Variants in CCDC180 observed in about 807,000 individuals in gnomAD.
The protein encoded by CCDC180 is coiled-coil domain-containing protein 180.
CCDC180 carries 154 observed loss-of-function variants against 209.2 expected under a neutral mutation model. The ratio of observed to expected loss-of-function variants is 0.74; its 90% CI spans 0.65 to 0.84. CCDC180 has a LOEUF of 0.84. Among genes scored for constraint, CCDC180 ranks in the 40% least tolerant of loss-of-function variants. The probability of loss-of-function intolerance (pLI) is 0.00; values close to 1 mark genes in which losing one functional copy is unlikely to be tolerated. For missense variants in CCDC180, 1,874 were observed against 1,997.3 expected, an observed-to-expected ratio of 0.94 and a Z score of 1.18; for synonymous variants, 778 against 749.1, an observed-to-expected ratio of 1.04 and a Z score of -0.63.
intron 8 of CCDC180, 96 bp from the exon 9 acceptor site, chr9:97,316,969 C>T (rs1448410317): frequency 1.6e-6 from 2 of 1,253,440 alleles, no homozygotes; most frequent in South Asian, 1.6e-5. Flanking sequence ...CTGCACCTCC[C>T]CTCTCCAGCC....
intron 13 of CCDC180, 40 bp downstream of exon 13, chr9:97,323,943 G>T (rs1461763980): frequency 6.5e-7 from 1 of 1,547,102 alleles, no homozygotes; most frequent in Admixed American, 2.0e-5. Flanking sequence ...GCTGAGGTGG[G>T]GTTGGGGGTC....
rs1305534890 is a variant in CCDC180 at position 97,343,400 on chromosome 9, A to G, written c.2335A>G (p.Ile779Val). 6.2e-7 allele frequency: 1 copy of G among 1,613,806 alleles called. No individual in the cohort carries two copies. The highest frequency in any genetic ancestry group is 8.5e-7 in the Non-Finnish European group (1 of 1,179,822). ...CTATGAGGACATGGAGTCCTTCACA[A>G]TCTCCAGTGGAAACACTTATTTTGT... is the stretch of plus-strand genomic sequence containing the variant. Reference protein sequence around the residue: ...IYYEDMESFTISSGNTYFVFV... With the variant: ...IYYEDMESFTVSSGNTYFVFV... The change falls in exon 19 of 37, where the codon ATC (isoleucine) becomes GTC (valine). Residue 779 changes from isoleucine to valine, a missense_variant. By Grantham distance (29) the Ile-to-Val change is conservative. Transcript: ENST00000529487.
At chr9:97,372,427 C>T (rs1344387324) in intron 34 of CCDC180, 5 of 152,216 alleles carry the variant, frequency 3.3e-5, no homozygotes, top group South Asian at 4.1e-4. Flanking sequence ...AGTGTGTAGA[C>T]GTTTGGCCTA....
Position 97,371,706 on chromosome 9 carries a change from A to G in CCDC180, c.4600A>G (p.Arg1534Gly), listed in dbSNP as rs772363374. The change falls in exon 34 of 37, where the codon AGG becomes GGG. Residue 1534 changes from arginine (R) to glycine (G), a missense_variant and splice_region_variant. Coordinates refer to ENST00000529487, the MANE Select transcript of CCDC180 (RefSeq NM_020893.6). ...VVTIDDVQVARMEPPKQKLSM... is the reference protein window; with the variant it reads ...VVTIDDVQVAGMEPPKQKLSM... ...CACCATTGACGATGTCCAGGTTGCA[A>G]GTAAGAGGCACCACCAGCCTTGTGT... is the stretch of plus-strand genomic sequence containing the variant. 6.3e-7 allele frequency: 1 copy of G among 1,581,716 alleles called. No homozygotes were observed. Among genetic ancestry groups the G allele is most frequent in the Non-Finnish European group, 8.7e-7 (1 of 1,153,936 alleles).
intron 2 of CCDC180, among the ~76,000 whole-genome samples, chr9:97,308,720 C>T (rs985360714): frequency 6.6e-6 from 1 of 152,192 alleles, no homozygotes; most frequent in Non-Finnish European, 1.5e-5. Flanking sequence ...AAGTTCTGTA[C>T]TGCTTATTTA....
Position 97,370,924 on chromosome 9 carries a change from C to T in CCDC180, c.4488+146C>T. 5.6e-6 allele frequency: 3 copies of T among 534,258 alleles called. 1 individual carries two copies. Among genetic ancestry groups the T allele is most frequent in the Middle Eastern group, 1.1e-3 (2 of 1,830 alleles). The allele number at this position is 534,258 out of a possible 1,614,324, so 33.1% of individuals were successfully genotyped here. ...GTTGGGTTTTGTAGGTAAAAATGGCCATTATTGGCTGTTTTAACTTGTATA... is the reference window on the plus strand; with the variant it reads ...GTTGGGTTTTGTAGGTAAAAATGGCTATTATTGGCTGTTTTAACTTGTATA... On this transcript the variant is annotated intron_variant, in intron 33 of 36. Coordinates refer to ENST00000529487, the MANE Select transcript of CCDC180 (RefSeq NM_020893.6).
At chr9:97,367,089 C>T (rs961151742) in intron 31 of CCDC180, among the ~76,000 whole-genome samples, 3 of 152,104 alleles carry the variant, frequency 2.0e-5, no homozygotes, top group Non-Finnish European at 2.9e-5. Context: ...AAACCCCATC[C>T]CCTAACCCCT....
intron 27 of CCDC180, 146 bp downstream of exon 27, chr9:97,362,044 C>CA: frequency 7.3e-7 from 1 of 1,366,206 alleles, no homozygotes; most frequent in Non-Finnish European, 1.0e-6. Context: ...AGGGCTTCCC[C>CA]ACCCAGAGCC....
intron 18 of CCDC180, 71 bp downstream of exon 18, chr9:97,330,838 T>C: frequency 1.4e-6 from 2 of 1,428,476 alleles, no homozygotes; most frequent in Non-Finnish European, 1.9e-6. Flanking sequence ...TTATCCCTAG[T>C]GTAAGCTGGG....
chr9:97,314,512 C>CA lies in CCDC180; in HGVS notation c.580dup (p.Thr194AsnfsTer11), dbSNP rs1292010558. 11 of 1,614,192 alleles carry CA rather than the reference C, an allele frequency of 6.8e-6. No individual in the cohort carries two copies. The highest frequency in any genetic ancestry group is 9.3e-6 in the Non-Finnish European group (11 of 1,180,034). The stretch of plus-strand genomic sequence containing the variant: ...AAAATGACACCAACCTTGAGGACTA[C>CA]ACCATCCAAGTAGGGGTCCCTTCGT... On this transcript the variant is annotated frameshift_variant, in exon 6 of 37. Coordinates refer to ENST00000529487, the MANE Select transcript of CCDC180 (RefSeq NM_020893.6). LOFTEE classifies it high-confidence loss of function.
chr9:97,310,130 G>A (rs940910073), intron 3 of CCDC180, among the ~76,000 whole-genome samples: 3 of 152,266 alleles, frequency 2.0e-5, no homozygotes, highest in Admixed American at 1.3e-4. Context: ...ACTGCAGTGA[G>A]CAGCTGATTT....
In CCDC180 at chr9:97,360,072, A is replaced by G. The variant is rs2117860727; in HGVS notation, c.3454A>G (p.Arg1152Gly). 1 of 1,614,020 alleles carries G rather than the reference A, an allele frequency of 6.2e-7. No individual in the cohort carries two copies. Among genetic ancestry groups the G allele is most frequent in the Non-Finnish European group, 8.5e-7 (1 of 1,179,930 alleles). ...RIQYLNCSLDRVSMTELVFTN... is the reference protein window; with the variant it reads ...RIQYLNCSLDGVSMTELVFTN... ...TCAGTACCTTAACTGCAGCCTGGAC[A>G]GGGTGTCCATGACTGAACTGGTCTT... is the stretch of plus-strand genomic sequence containing the variant. The change falls in exon 26 of 37, where the codon AGG becomes GGG. Residue 1152 changes from arginine to glycine, a missense_variant. Coordinates refer to ENST00000529487, the MANE Select transcript of CCDC180 (RefSeq NM_020893.6).
intron 3 of CCDC180, 92 bp downstream of exon 3, chr9:97,309,696 T>A: frequency 9.1e-7 from 1 of 1,102,676 alleles, no homozygotes; most frequent in Non-Finnish European, 1.3e-6. Context: ...GAGTAGCCTG[T>A]AGGAATGAAG....
rs1394679068 is a variant in CCDC180, at chr9:97,328,070, C to G, written c.1712C>G (p.Ala571Gly). ...ACAAAGGAAGTGATGGAGTACCCAG[C>G]GATCATGCTGAAAGAACTCAACTCC... ...LLTKEVMEYP[A>G]IMLKELNSYS... The change falls in exon 16 of 37, where the codon GCG (alanine) becomes GGG (glycine). Residue 571 changes from alanine (A) to glycine (G), a missense_variant. By Grantham distance (60) the Ala-to-Gly change is moderately conservative. Transcript: ENST00000529487. The G allele has an allele frequency of 1.2e-6, 2 of 1,613,956 alleles. No individual in the cohort carries two copies. The highest frequency in any genetic ancestry group is 8.5e-7 in the Non-Finnish European group (1 of 1,179,910).
intron 18 of CCDC180, among the ~76,000 whole-genome samples, chr9:97,335,939 C>T (rs1174127075): frequency 2.6e-5 from 4 of 152,208 alleles, no homozygotes; most frequent in Non-Finnish European, 5.9e-5. Context: ...TGATGACGAG[C>T]GTTTTTTCAT....
chr9:97,378,336 T>G lies in CCDC180; in HGVS notation c.*1442T>G, dbSNP rs1484197041. 6.6e-6 allele frequency: 1 copy of G among 152,258 alleles called. No homozygotes were observed. The highest frequency in any genetic ancestry group is 1.5e-5 in the Non-Finnish European group (1 of 68,044). The allele number at this position is 152,258 out of a possible 1,614,324, so 9.4% of individuals were successfully genotyped here. ...CATAAACTGCTTGGTAAATGTTAACTGGATAAACCCTATGCCATATCCTTC... is the reference window on the plus strand; with the variant it reads ...CATAAACTGCTTGGTAAATGTTAACGGGATAAACCCTATGCCATATCCTTC... On this transcript the variant is annotated 3_prime_UTR_variant, in exon 37 of 37. Transcript: ENST00000529487.
chr9:97,368,590 G>T (rs1284280897), intron 31 of CCDC180, among the ~76,000 whole-genome samples: 1 of 152,208 alleles, frequency 6.6e-6, no homozygotes, highest in Non-Finnish European at 1.5e-5. Flanking sequence ...GCCAGTCCCT[G>T]TGTGGTTTCT....
At chr9:97,325,317 G>C (rs1227822444) in intron 14 of CCDC180, 125 bp downstream of exon 14, 9 of 991,542 alleles carry the variant, frequency 9.1e-6, no homozygotes, top group African/African-American at 1.6e-5. Context: ...TGAGGCTCAC[G>C]TTGGTCATGG....
At position 97,366,019 on chromosome 9, in the gene CCDC180, C is replaced by T. The variant is rs141119186; in HGVS notation, c.4047+280C>T. Among the ~76,000 whole-genome samples the T allele has an allele frequency of 2.0e-5, 3 of 152,356 alleles. No individual in the cohort carries two copies. The highest frequency in any genetic ancestry group is 4.4e-5 in the Non-Finnish European group (3 of 68,032). ...ACAAGCCCATCCTCTGTCCCCAAGGCACCCAGGCCCAGTGGAAAGCTGACA... is the reference window on the plus strand; with the variant it reads ...ACAAGCCCATCCTCTGTCCCCAAGGTACCCAGGCCCAGTGGAAAGCTGACA... On this transcript the variant is annotated intron_variant, in intron 30 of 36. Coordinates refer to ENST00000529487, the MANE Select transcript of CCDC180 (RefSeq NM_020893.6). This position sits in a 1 kb window ranked among gnomAD's most constrained non-coding sequence, Gnocchi z 4.3.
Sources: allele counts gnomAD v4.1 joint callset (sites outside exome capture counted in the v4.1 genomes callset), GRCh38; gene constraint gnomAD v4.1.1; non-coding constraint Gnocchi (gnomAD v3.1); transcripts MANE v1.5; gene names NCBI Gene and HGNC (gene_info 2026-07-23, HGNC 2026-07-21).